The following MTA3 variants were observed in gnomAD, a reference collection of about 807,000 sequenced individuals.
MTA3 encodes the protein metastasis associated 1 family member 3.
A neutral mutation model predicts 83.5 loss-of-function variants in MTA3; 34 were observed. The ratio of observed to expected loss-of-function variants is 0.41; its 90% CI spans 0.31 to 0.54. The LOEUF is 0.54. Among genes scored for constraint, MTA3 ranks in the 20% least tolerant of loss-of-function variants. The probability of loss-of-function intolerance (pLI) is 0.33; values close to 1 mark genes in which losing one functional copy is unlikely to be tolerated. For synonymous variants in MTA3, 303 were observed against 252.7 expected, an observed-to-expected ratio of 1.20 and a Z score of -1.89; for missense variants, 761 against 726.4, an observed-to-expected ratio of 1.05 and a Z score of -0.55.
chr2:42,642,644 G>A (rs186984107), intron 5 of MTA3, among the ~76,000 whole-genome samples: 171 of 135,770 alleles, frequency 1.3e-3, no homozygotes, highest in African/African-American at 4.3e-3. Context: ...TGTTAAGTTG[G>A]TTTTTTTTTT....
At chr2:42,732,956 C>G (rs1573796544) in intron 16 of MTA3, among the ~76,000 whole-genome samples, 1 of 152,226 alleles carries the variant, frequency 6.6e-6, no homozygotes, top group African/African-American at 2.4e-5. Context: ...ATATCACTAT[C>G]AGCATTTTGG....
Position 42,568,704 on chromosome 2 carries a change from CG to C in MTA3, c.-39del. 2.5e-6 allele frequency: 3 copies of C among 1,200,192 alleles called. No individual in the cohort carries two copies. Among genetic ancestry groups the C allele is most frequent in the Non-Finnish European group, 3.1e-6 (3 of 968,374 alleles). The allele number at this position is 1,200,192 out of a possible 1,614,324, so 74.3% of individuals were successfully genotyped here. A position where few individuals can be genotyped will look rare whatever the true frequency, so the allele number is the denominator to read the frequency against. On this transcript the variant is annotated 5_prime_UTR_variant, in exon 1 of 17. Coordinates refer to ENST00000405094, the MANE Select transcript of MTA3 (RefSeq NM_001330442.2). ...GAGGCTGAGGAGGAGGCGGCGGCGG[CG>C]GGCGGGGCTCGGCTCGGGCTCCGCG...
intron 3 of MTA3, among the ~76,000 whole-genome samples, chr2:42,609,178 C>A (rs1180412959): frequency 1.3e-5 from 2 of 151,692 alleles, no homozygotes; most frequent in African/African-American, 2.4e-5. Context: ...TTACAGGCGC[C>A]CACCACCATG....
chr2:42,678,438 A>T (rs192841073), intron 8 of MTA3, among the ~76,000 whole-genome samples: 8 of 152,142 alleles, frequency 5.3e-5, no homozygotes, highest in Admixed American at 3.3e-4. Context: ...CCTGGGTTCA[A>T]GTGATTCTCC....
intron 16 of MTA3, among the ~76,000 whole-genome samples, chr2:42,724,275 A>AC (rs1667639939): frequency 2.4e-5 from 2 of 82,184 alleles, no homozygotes; most frequent in Non-Finnish European, 5.3e-5. Flanking sequence ...TAAGTCCTGA[A>AC]AAACACACAC....
At chr2:42,727,577 G>T (rs1667915446) in intron 16 of MTA3, among the ~76,000 whole-genome samples, 1 of 152,172 alleles carries the variant, frequency 6.6e-6, no homozygotes, top group South Asian at 2.1e-4. Flanking sequence ...GAAGGCAGCA[G>T]GGGGAGATGG....
At chr2:42,693,583 A>G (rs1693110241) in intron 9 of MTA3, among the ~76,000 whole-genome samples, 1 of 152,118 alleles carries the variant, frequency 6.6e-6, no homozygotes, top group Non-Finnish European at 1.5e-5. Flanking sequence ...CTTAAAGCCC[A>G]TGGGCTCTTC....
At chr2:42,586,390 G>A (rs1680283172) in intron 3 of MTA3, among the ~76,000 whole-genome samples, 1 of 147,074 alleles carries the variant, frequency 6.8e-6, no homozygotes, top group Non-Finnish European at 1.5e-5. Flanking sequence ...TTGGAGACTA[G>A]CCTGGGCAAC....
At chr2:42,728,257 G>A (rs924376045) in intron 16 of MTA3, among the ~76,000 whole-genome samples, 3 of 152,076 alleles carry the variant, frequency 2.0e-5, no homozygotes, top group African/African-American at 7.2e-5. Context: ...CCATGTTGTT[G>A]CAAATGACAG....
intron 8 of MTA3, among the ~76,000 whole-genome samples, chr2:42,667,621 A>AAGAGAGAGAGAGAGAG (rs70963342): frequency 1.3e-4 from 15 of 114,150 alleles, no homozygotes; most frequent in African/African-American, 4.9e-4. Context: ...TAGAGAGAGA[A>AAGAGAGAGAGAGAGAG]AGAGAGAGAG....
At chr2:42,535,624 C>T (rs1676192395) in intron 2 of MTA3, among the ~76,000 whole-genome samples, 1 of 152,144 alleles carries the variant, frequency 6.6e-6, no homozygotes, top group South Asian at 2.1e-4. Flanking sequence ...TATCTAGCTT[C>T]TAGAGAGGGT....
chr2:42,518,825 G>A (rs1035709181), intron 2 of MTA3, among the ~76,000 whole-genome samples: 4 of 152,028 alleles, frequency 2.6e-5, no homozygotes, highest in Non-Finnish European at 4.4e-5. Flanking sequence ...AATTAGCCAG[G>A]CATGGTGGGG....
intron 8 of MTA3, among the ~76,000 whole-genome samples, chr2:42,668,384 A>C (rs1026574436): frequency 3.3e-5 from 5 of 152,204 alleles, no homozygotes; most frequent in Non-Finnish European, 7.3e-5. Context: ...CCCTGTCCTT[A>C]CTGGGAGAGA....
In MTA3 at chr2:42,745,567, G is replaced by C. The variant is rs188685109; in HGVS notation, c.1760-7807G>C. Among the ~76,000 whole-genome samples the C allele has an allele frequency of 2.0e-3, 305 of 152,140 alleles. 1 individual carries two copies. Among genetic ancestry groups the C allele is most frequent in the African/African-American group, 7.0e-3 (289 of 41,506 alleles). On this transcript the variant is annotated intron_variant, in intron 16 of 16. Coordinates refer to ENST00000405094, the MANE Select transcript of MTA3 (RefSeq NM_001330442.2). ...TTTTAAAATTTATTTTTACAGAGAT[G>C]GGGGCAGGGGGTCTTGCTATGTTGC...
intron 2 of MTA3, among the ~76,000 whole-genome samples, chr2:42,556,688 G>T (rs1314884843): frequency 2.0e-5 from 3 of 152,178 alleles, no homozygotes; most frequent in Admixed American, 2.0e-4. Flanking sequence ...GCCACTCCTG[G>T]AGGGAGTCAG....
At chr2:42,680,740 C>G (rs182030955) in intron 8 of MTA3, among the ~76,000 whole-genome samples, 168 of 152,244 alleles carry the variant, frequency 1.1e-3, no homozygotes, top group African/African-American at 4.0e-3. Flanking sequence ...ATTCATTGTT[C>G]TGATTGGAGG....
At chr2:42,746,692 A>G (rs1669461339) in intron 16 of MTA3, among the ~76,000 whole-genome samples, 1 of 152,346 alleles carries the variant, frequency 6.6e-6, no homozygotes, top group East Asian at 1.9e-4. Flanking sequence ...CTAGAATAGG[A>G]GAAACATGTT....
rs566061004 is a variant in MTA3, at chr2:42,634,163, C to T, written c.318-6010C>T. 2.0e-5 allele frequency among the ~76,000 whole-genome samples: 3 copies of T among 152,158 alleles called. No homozygotes were observed. In the East Asian group the frequency reaches 5.8e-4, roughly 29 times the overall value. ...CTCCACAACAAAAAATTATCTGGCC[C>T]AAAATGTCCACCAGTGGTGCCGAGG... On this transcript the variant is annotated intron_variant, in intron 4 of 16. Transcript: ENST00000405094.
intron 3 of MTA3, among the ~76,000 whole-genome samples, chr2:42,591,752 G>C (rs760473720): frequency 2.6e-5 from 4 of 152,058 alleles, no homozygotes; most frequent in Non-Finnish European, 5.9e-5. Context: ...CCAGGTTCAA[G>C]CAATTCTCCT....
Sources: gnomAD v4.1 joint callset for allele counts (sites outside exome capture counted in the v4.1 genomes callset) on GRCh38, gnomAD v4.1.1 for gene constraint, MANE v1.5 for transcripts, NCBI Gene and HGNC (gene_info 2026-07-23, HGNC 2026-07-21) for gene names.